The following SGCZ variants were observed in gnomAD, a reference collection of about 807,000 sequenced individuals.
The protein encoded by SGCZ is sarcoglycan zeta.
A neutral mutation model predicts 41.3 loss-of-function variants in SGCZ; 40 were observed. The ratio of observed to expected loss-of-function variants is 0.97; its 90% CI spans 0.75 to 1.26. The LOEUF (loss-of-function observed/expected upper bound fraction) is 1.26, where lower values mean the gene tolerates loss of function less well. Ranked by LOEUF, SGCZ falls within the 50% of genes most tolerant of loss-of-function variation. The probability of loss-of-function intolerance (pLI) is 0.00; values close to 1 mark genes in which losing one functional copy is unlikely to be tolerated. For synonymous variants in SGCZ, 206 were observed against 137.5 expected (o/e 1.50, Z -3.49); for missense variants, 552 against 369.8 (o/e 1.49, Z -4.04).
In SGCZ at chr8:15,020,856, C is replaced by T. The variant is rs1173069421; in HGVS notation, c.39+216729G>A. Among the ~76,000 whole-genome samples the T allele has an allele frequency of 2.0e-5, 3 of 152,154 alleles. 1 individual carries two copies. Among genetic ancestry groups the T allele is most frequent in the Non-Finnish European group, 4.4e-5 (3 of 68,024 alleles). On this transcript the variant is annotated intron_variant, in intron 1 of 7. Transcript: ENST00000382080. ...TTTCTTCACATAGTCATTCTGTCAA[C>T]ATGAAGATGTCAGGATTTACATCAT...
At chr8:14,410,258 C>A (rs1799323206) in intron 2 of SGCZ, among the ~76,000 whole-genome samples, 1 of 152,072 alleles carries the variant, frequency 6.6e-6, no homozygotes, top group Non-Finnish European at 1.5e-5. Context: ...CTGTCTTCCA[C>A]AAAACCCATC....
chr8:14,349,728 T>G (rs1803019225), intron 2 of SGCZ, among the ~76,000 whole-genome samples: 1 of 152,138 alleles, frequency 6.6e-6, no homozygotes, highest in Non-Finnish European at 1.5e-5. Flanking sequence ...TGTTAAATCT[T>G]TGAAATTGTA....
chr8:15,159,553 G>A (rs1312945042), intron 1 of SGCZ, among the ~76,000 whole-genome samples: 1 of 152,136 alleles, frequency 6.6e-6, no homozygotes, highest in Non-Finnish European at 1.5e-5. Flanking sequence ...TTGAATTGGA[G>A]GATATGCAGC....
At chr8:14,807,326 A>C (rs2130524296) in intron 1 of SGCZ, among the ~76,000 whole-genome samples, 1 of 152,244 alleles carries the variant, frequency 6.6e-6, no homozygotes, top group Non-Finnish European at 1.5e-5. Context: ...TATATCTAGA[A>C]AACCCCATTG....
At chr8:15,112,868 G>T (rs754755004) in intron 1 of SGCZ, among the ~76,000 whole-genome samples, 1 of 152,164 alleles carries the variant, frequency 6.6e-6, no homozygotes, top group Non-Finnish European at 1.5e-5. Flanking sequence ...ACAGATTCAT[G>T]ATCAAATAAA....
chr8:14,869,984 T>G (rs1029774339), intron 1 of SGCZ, among the ~76,000 whole-genome samples: 1 of 152,182 alleles, frequency 6.6e-6, no homozygotes, highest in Admixed American at 6.5e-5. Flanking sequence ...GAATCAATAT[T>G]GTTAAAATGG....
chr8:15,168,547 A>T (rs1799733194), intron 1 of SGCZ, among the ~76,000 whole-genome samples: 1 of 151,626 alleles, frequency 6.6e-6, no homozygotes, highest in African/African-American at 2.4e-5. Context: ...GAACTCGGGG[A>T]TGCAAGGATG....
intron 1 of SGCZ, among the ~76,000 whole-genome samples, chr8:15,232,211 C>T (rs879417288): frequency 5.3e-5 from 8 of 152,142 alleles, no homozygotes; most frequent in East Asian, 1.9e-4. Flanking sequence ...TAAGAAACAG[C>T]GCACTAAATA....
intron 1 of SGCZ, among the ~76,000 whole-genome samples, chr8:14,742,302 T>C (rs548306805): frequency 6.6e-6 from 1 of 152,038 alleles, no homozygotes; most frequent in Non-Finnish European, 1.5e-5. Flanking sequence ...CTTATGCACG[T>C]GCACGCGCGC....
intron 1 of SGCZ, among the ~76,000 whole-genome samples, chr8:15,122,072 C>T (rs760861665): frequency 3.3e-5 from 5 of 151,738 alleles, no homozygotes; most frequent in Admixed American, 6.6e-5. Flanking sequence ...TATTTGGCAC[C>T]GTATTCTCAT....
chr8:15,196,486 T>C (rs982481552), intron 1 of SGCZ, among the ~76,000 whole-genome samples: 3 of 152,182 alleles, frequency 2.0e-5, no homozygotes, highest in Admixed American at 6.5e-5. Context: ...TATGATAACA[T>C]AGCATCATTT....
At chr8:14,509,047 T>G (rs1418814294) in intron 2 of SGCZ, among the ~76,000 whole-genome samples, 1 of 152,174 alleles carries the variant, frequency 6.6e-6, no homozygotes, top group Admixed American at 6.5e-5. Flanking sequence ...AAACATTTGT[T>G]CACTCTCATT....
intron 1 of SGCZ, among the ~76,000 whole-genome samples, chr8:14,721,232 G>A (rs771971307): frequency 6.6e-6 from 1 of 151,998 alleles, no homozygotes; most frequent in Non-Finnish European, 1.5e-5. Context: ...TAGTTCCATG[G>A]TTTTAAATAT....
At chr8:14,608,598 AATAAAACTAT>A (rs1805828085) in intron 1 of SGCZ, among the ~76,000 whole-genome samples, 1 of 152,000 alleles carries the variant, frequency 6.6e-6, no homozygotes, top group Non-Finnish European at 1.5e-5. Flanking sequence ...CTAAGAATTA[AATAAAACTAT>A]ATTTAGTCTG....
intron 1 of SGCZ, among the ~76,000 whole-genome samples, chr8:15,065,982 A>C (rs1277535906): frequency 6.6e-6 from 1 of 152,142 alleles, no homozygotes; most frequent in Non-Finnish European, 1.5e-5. Flanking sequence ...ACTGTTAGTG[A>C]CTTTATTCTA....
intron 1 of SGCZ, among the ~76,000 whole-genome samples, chr8:14,564,034 G>A (rs1213129638): frequency 1.3e-5 from 2 of 152,000 alleles, no homozygotes; most frequent in Non-Finnish European, 2.9e-5. Context: ...AATATAAATT[G>A]AGCCTCTAAT....
At chr8:14,889,544 G>C (rs1804932842) in intron 1 of SGCZ, among the ~76,000 whole-genome samples, 1 of 151,884 alleles carries the variant, frequency 6.6e-6, no homozygotes. Context: ...AGAAGAGTTG[G>C]GCAAGTAACT....
intron 5 of SGCZ, among the ~76,000 whole-genome samples, chr8:14,159,992 A>G (rs891208718): frequency 3.9e-5 from 6 of 152,206 alleles, no homozygotes; most frequent in African/African-American, 1.4e-4. Flanking sequence ...CAAGCATTCA[A>G]TTAGAACGGA....
intron 6 of SGCZ, among the ~76,000 whole-genome samples, chr8:14,102,919 A>T (rs1802079842): frequency 6.6e-6 from 1 of 152,202 alleles, no homozygotes; most frequent in Non-Finnish European, 1.5e-5. Context: ...GGATGTAGAT[A>T]TATGTATTCC....
Sources: gnomAD v4.1 joint callset for allele counts (sites outside exome capture counted in the v4.1 genomes callset) on GRCh38, gnomAD v4.1.1 for gene constraint, MANE v1.5 for transcripts, NCBI Gene and HGNC (gene_info 2026-07-23, HGNC 2026-07-21) for gene names.